Variants in RNPC3 observed in about 807,000 individuals in gnomAD.
The protein encoded by RNPC3 is RNA-binding region-containing protein 3.
A neutral mutation model predicts 67.5 loss-of-function variants in RNPC3; 48 were observed. That is an observed-to-expected ratio of 0.71 (90% confidence interval 0.56 to 0.90). The LOEUF (loss-of-function observed/expected upper bound fraction) is 0.90, where lower values mean the gene tolerates loss of function less well. Ranked by LOEUF, RNPC3 falls within the 40% of genes least tolerant of loss-of-function variation. The pLI is 0.00. For synonymous variants in RNPC3, 239 were observed against 210.3 expected (o/e 1.14, Z -1.18); for missense variants, 637 against 626.1 (o/e 1.02, Z -0.19).
At chr1:103,548,188 A>G (rs933943551) in intron 12 of RNPC3, among the ~76,000 whole-genome samples, 8 of 151,532 alleles carry the variant, frequency 5.3e-5, no homozygotes, top group Admixed American at 3.3e-4. Context: ...CATATTCCTC[A>G]TTTTCTTGGG....
chr1:103,533,726 C>T lies in RNPC3; in HGVS notation c.241-13C>T, dbSNP rs761487351. On this transcript the variant is annotated splice_polypyrimidine_tract_variant and intron_variant, in intron 2 of 14. Coordinates refer to ENST00000423855, the MANE Select transcript of RNPC3 (RefSeq NM_017619.4). ...CAATTGTGAAATGTTTACTCTTGTT[C>T]TTTTAACTGAAGGCATTGACAAGAC... 8 of 1,326,534 alleles carry T rather than the reference C, an allele frequency of 6.0e-6. No homozygotes were observed. In the South Asian group the frequency reaches 7.6e-5, roughly 13 times the overall value. 82.2% of individuals were successfully genotyped at this position (1,326,534 alleles called of 1,614,324 possible).
In RNPC3 at chr1:103,543,459, C is replaced by T; in HGVS notation, c.1045+12C>T. 1 of 1,445,824 alleles carries T rather than the reference C, an allele frequency of 6.9e-7. No homozygotes were observed. Among genetic ancestry groups the T allele is most frequent in the Non-Finnish European group, 9.1e-7 (1 of 1,100,686 alleles). The allele number at this position is 1,445,824 out of a possible 1,614,324, so 89.6% of individuals were successfully genotyped here. On this transcript the variant is annotated intron_variant, in intron 9 of 14. Transcript: ENST00000423855. Reference sequence around the variant, plus strand: ...GGAAAAAAATCATGGTAAGGATATTCTAGTTATTTCACATGCTGAAATCAA... The same window carrying T: ...GGAAAAAAATCATGGTAAGGATATTTTAGTTATTTCACATGCTGAAATCAA...
rs1246577747 is a variant in RNPC3 at position 103,540,194 on chromosome 1, G to A, written c.768-1156G>A. Among the ~76,000 whole-genome samples, 6 of 152,152 alleles carry A rather than the reference G, an allele frequency of 3.9e-5. No homozygotes were observed. The East Asian group carries it at 9.7e-4, about 24-fold the overall frequency. On this transcript the variant is annotated intron_variant, in intron 7 of 14. Transcript: ENST00000423855. ...CACTTTTGCTTTCTGATGTTTCCAT[G>A]TACACAAACTTTATTTCATGTACAA...
At chr1:103,545,185 T>C in intron 10 of RNPC3, 83 bp downstream of exon 10, 1 of 1,101,794 alleles carries the variant, frequency 9.1e-7, no homozygotes, top group Non-Finnish European at 1.3e-6. Context: ...TGTCATGCCA[T>C]TTACCTTAAT....
intron 8 of RNPC3, among the ~76,000 whole-genome samples, chr1:103,542,958 T>A (rs1292791026): frequency 6.6e-6 from 1 of 151,894 alleles, no homozygotes; most frequent in East Asian, 1.9e-4. Flanking sequence ...ATATCAAACA[T>A]AGAATGCACT....
intron 7 of RNPC3, 83 bp from the exon 8 acceptor site, chr1:103,541,266 CA>C: frequency 2.0e-6 from 2 of 996,442 alleles, no homozygotes; most frequent in Non-Finnish European, 2.8e-6. Context: ...CACCAAAATA[CA>C]AATTTAACGT....
At chr1:103,532,722 T>G (rs1277064423) in intron 2 of RNPC3, among the ~76,000 whole-genome samples, 1 of 152,022 alleles carries the variant, frequency 6.6e-6, no homozygotes, top group Non-Finnish European at 1.5e-5. Context: ...TGAAGCCAAG[T>G]GAATGACATG....
intron 8 of RNPC3, among the ~76,000 whole-genome samples, chr1:103,541,705 CAG>C (rs2101048607): frequency 6.6e-6 from 1 of 152,198 alleles, no homozygotes; most frequent in African/African-American, 2.4e-5. Context: ...TCTGCAGACT[CAG>C]AATATCTTAT....
chr1:103,554,357 T>TA (rs1344948000), intron 14 of RNPC3: 1 of 152,136 alleles, frequency 6.6e-6, no homozygotes, highest in Non-Finnish European at 1.5e-5. Context: ...CTCTCCCTCC[T>TA]AAAAAAATCC....
At chr1:103,528,576 T>C (rs906924429) in intron 2 of RNPC3, among the ~76,000 whole-genome samples, 1 of 152,176 alleles carries the variant, frequency 6.6e-6, no homozygotes, top group African/African-American at 2.4e-5. Flanking sequence ...TGGGTTGTTA[T>C]ATTAGCTGAC....
chr1:103,526,107 G>A lies in RNPC3; in HGVS notation c.37G>A (p.Gly13Arg). 1 of 1,550,406 alleles carries A rather than the reference G, an allele frequency of 6.4e-7. No individual in the cohort carries two copies. The highest frequency in any genetic ancestry group is 1.2e-5 in the South Asian group (1 of 83,954). The change falls in exon 1 of 15, where the codon GGA (glycine) becomes AGA (arginine). Residue 13 changes from glycine to arginine, a missense_variant. Gly to Arg is a moderately radical substitution (Grantham distance 125). Coordinates refer to ENST00000423855, the MANE Select transcript of RNPC3 (RefSeq NM_017619.4). ...APEQPLAISR[G>R]CTSSSSLSPP... Reference sequence around the variant, plus strand: ...CGAGCAGCCGCTTGCGATATCAAGGGGATGCACGAGCTCCTCCTCGCTTTC... The same window carrying A: ...CGAGCAGCCGCTTGCGATATCAAGGAGATGCACGAGCTCCTCCTCGCTTTC...
In RNPC3 at chr1:103,526,093, T is replaced by C. The variant is rs530164593; in HGVS notation, c.23T>C (p.Leu8Pro). The change falls in exon 1 of 15, where the codon CTT becomes CCT. Residue 8 changes from leucine (L) to proline (P), a missense_variant. Leu to Pro is a moderately conservative substitution (Grantham distance 98). Around this residue, in one of 3 missense-constraint regions of RNPC3, gnomAD observed 536 missense variants for 500.3 expected, o/e 1.07. Coordinates refer to ENST00000423855, the MANE Select transcript of RNPC3 (RefSeq NM_017619.4). ...AAAATGGCAGCTCCCGAGCAGCCGC[T>C]TGCGATATCAAGGGGATGCACGAGC... MAAPEQPLAISRGCTSSS... is the reference protein window; with the variant it reads MAAPEQPPAISRGCTSSS... 6.5e-7 allele frequency: 1 copy of C among 1,545,354 alleles called. No individual in the cohort carries two copies. The highest frequency in any genetic ancestry group is 1.2e-5 in the South Asian group (1 of 83,580).
At chr1:103,554,862 T>C (rs1651494882) in intron 14 of RNPC3, 172 bp from the exon 15 acceptor site, 1 of 152,524 alleles carries the variant, frequency 6.6e-6, no homozygotes, top group African/African-American at 2.4e-5. Context: ...GTTAAAAAGA[T>C]TTTGTAAATG....
In RNPC3 at chr1:103,534,773, G is replaced by A; in HGVS notation, c.360-1G>A. 1 of 1,515,900 alleles carries A rather than the reference G, an allele frequency of 6.6e-7. No homozygotes were observed. The highest frequency in any genetic ancestry group is 8.8e-7 in the Non-Finnish European group (1 of 1,132,514). 93.9% of individuals were successfully genotyped at this position (1,515,900 alleles called of 1,614,324 possible). A position where few individuals can be genotyped will look rare whatever the true frequency, so the allele number is the denominator to read the frequency against. The stretch of plus-strand genomic sequence containing the variant: ...ATTAACTTTGATTCTGTATGTCCCA[G>A]GTCTGATGACCCTGTCGAAGATGAT... On this transcript the variant is annotated splice_acceptor_variant, in intron 3 of 14. Coordinates refer to ENST00000423855, the MANE Select transcript of RNPC3 (RefSeq NM_017619.4). LOFTEE classifies it high-confidence loss of function.
At position 103,540,388 on chromosome 1, in the gene RNPC3, G is replaced by T. The variant is rs528260686; in HGVS notation, c.768-962G>T. Among the ~76,000 whole-genome samples the T allele has an allele frequency of 2.6e-5, 4 of 152,230 alleles. No individual in the cohort carries two copies. In the South Asian group the frequency reaches 8.3e-4, roughly 32 times the overall value. ...TCTGGTTCCAGCCATTTTGGATAAG[G>T]GGTGCTCAACCTGTACTATTCATTT... On this transcript the variant is annotated intron_variant, in intron 7 of 14. Coordinates refer to ENST00000423855, the MANE Select transcript of RNPC3 (RefSeq NM_017619.4).
chr1:103,544,882 C>A, intron 9 of RNPC3, 59 bp from the exon 10 acceptor site: 2 of 1,149,016 alleles, frequency 1.7e-6, no homozygotes, highest in Non-Finnish European at 2.4e-6. Context: ...AGGTGGGGAC[C>A]CAAAAACTAT....
chr1:103,541,452 TAC>T lies in RNPC3; in HGVS notation c.873_874del (p.Pro292PhefsTer19), dbSNP rs1651123676. 1 of 1,496,380 alleles carries T rather than the reference TAC, an allele frequency of 6.7e-7. No homozygotes were observed. The highest frequency in any genetic ancestry group is 1.3e-5 in the South Asian group (1 of 78,266). 92.7% of individuals were successfully genotyped at this position (1,496,380 alleles called of 1,614,324 possible). On this transcript the variant is annotated frameshift_variant, in exon 8 of 15. Transcript: ENST00000423855. LOFTEE classifies it high-confidence loss of function. ...AGAGAAAAATAAAGGATATGTTGAA[TAC>T]ACCTTTGTGTCCTTCACACAGGTAA... is the stretch of plus-strand genomic sequence containing the variant. ...KKRKIKDMLN[T>X]PLCPSHSSLH...
At chr1:103,551,210 C>T (rs1188559998) in intron 13 of RNPC3, 137 bp downstream of exon 13, 1 of 680,290 alleles carries the variant, frequency 1.5e-6, no homozygotes. Context: ...CAATTAAACC[C>T]ACCTTACTGA....
At chr1:103,537,582 GT>G in intron 7 of RNPC3, 98 bp downstream of exon 7, 1 of 988,266 alleles carries the variant, frequency 1.0e-6, no homozygotes, top group Non-Finnish European at 1.4e-6. Context: ...ATACTTAATA[GT>G]TTGGGGTGAT....
Sources: allele counts gnomAD v4.1 joint callset (sites outside exome capture counted in the v4.1 genomes callset), GRCh38; gene constraint gnomAD v4.1.1; regional missense constraint gnomAD v4.1.1; transcripts MANE v1.5; gene names NCBI Gene and HGNC (gene_info 2026-07-23, HGNC 2026-07-21).